CUL5: variants seen among roughly 807,000 people sequenced by gnomAD.
The protein encoded by CUL5 is cullin 5, also known as cullin-5.
A neutral mutation model predicts 108.8 loss-of-function variants in CUL5; 26 were observed. That is an observed-to-expected ratio of 0.24 (90% confidence interval 0.18 to 0.33). The LOEUF (loss-of-function observed/expected upper bound fraction) is 0.33, where lower values mean the gene tolerates loss of function less well. Among genes scored for constraint, CUL5 ranks in the 10% least tolerant of loss-of-function variants. The pLI, the probability that CUL5 is intolerant of heterozygous loss-of-function variation, is 1.00. For missense variants in CUL5, 524 were observed against 909.2 expected, an observed-to-expected ratio of 0.58 and a Z score of 5.45; for synonymous variants, 334 against 298.0, an observed-to-expected ratio of 1.12 and a Z score of -1.25.
chr11:108,103,966 C>A (rs778904693), intron 18 of CUL5, among the ~76,000 whole-genome samples: 11 of 152,116 alleles, frequency 7.2e-5, no homozygotes, highest in Non-Finnish European at 1.5e-4. Flanking sequence ...CCTATCCCCC[C>A]ACCCCAATAA....
intron 11 of CUL5, among the ~76,000 whole-genome samples, chr11:108,082,284 C>CTGT (rs1370303439): frequency 4.3e-5 from 6 of 140,890 alleles, no homozygotes; most frequent in African/African-American, 1.6e-4. Flanking sequence ...CTCTTTCTTT[C>CTGT]TGTTTTTTTT....
intron 18 of CUL5, among the ~76,000 whole-genome samples, chr11:108,099,119 C>G (rs895632597): frequency 2.0e-5 from 3 of 151,770 alleles, no homozygotes; most frequent in Non-Finnish European, 2.9e-5. Flanking sequence ...ATCCTCCCAC[C>G]TCTGCCTCCG....
chr11:108,034,999 T>C (rs769750061), intron 2 of CUL5, among the ~76,000 whole-genome samples: 2 of 152,176 alleles, frequency 1.3e-5, no homozygotes, highest in African/African-American at 2.4e-5. Context: ...AGTTCCTTTC[T>C]GGGGACAGCT....
At chr11:108,104,064 T>A (rs1864732642) in intron 18 of CUL5, 126 bp from the exon 19 acceptor site, 2 of 595,540 alleles carry the variant, frequency 3.4e-6, no homozygotes, top group South Asian at 4.5e-5. Context: ...AATCCCCTAG[T>A]GATTATTATT....
chr11:108,009,314 C>G lies in CUL5; in HGVS notation c.-35C>G, dbSNP rs530106522. On this transcript the variant is annotated 5_prime_UTR_variant, in exon 1 of 19. Coordinates refer to ENST00000393094, the MANE Select transcript of CUL5 (RefSeq NM_003478.6). The stretch of plus-strand genomic sequence containing the variant: ...GGCCTGGCCGGGAGCGCCACGAATT[C>G]TCGCGTCGTCTCGCGAGAGTCCAAG... 1 of 1,609,404 alleles carries G rather than the reference C, an allele frequency of 6.2e-7. No individual in the cohort carries two copies. The highest frequency in any genetic ancestry group is 1.3e-5 in the African/African-American group (1 of 74,360).
chr11:108,076,725 GC>G (rs1439942843), intron 10 of CUL5, among the ~76,000 whole-genome samples: 7 of 152,150 alleles, frequency 4.6e-5, no homozygotes, highest in African/African-American at 1.7e-4. Flanking sequence ...TTGGGTATAT[GC>G]CTAGAAGAGG....
chr11:108,036,649 T>C (rs932946096), intron 2 of CUL5, among the ~76,000 whole-genome samples: 4 of 152,182 alleles, frequency 2.6e-5, no homozygotes, highest in African/African-American at 9.6e-5. Context: ...GGCTAATTTT[T>C]GTATTTTCAT....
intron 7 of CUL5, among the ~76,000 whole-genome samples, chr11:108,068,169 T>C (rs1373657197): frequency 2.6e-5 from 4 of 152,240 alleles, no homozygotes; most frequent in East Asian, 1.9e-4. Flanking sequence ...CCGCCCGCCT[T>C]AGCCTCCCAA....
At chr11:108,053,297 G>A (rs1267507482) in intron 5 of CUL5, among the ~76,000 whole-genome samples, 2 of 152,162 alleles carry the variant, frequency 1.3e-5, no homozygotes, top group African/African-American at 2.4e-5. Flanking sequence ...CACAGTACCT[G>A]TGCCTCCTTG....
intron 10 of CUL5, among the ~76,000 whole-genome samples, chr11:108,075,799 C>G (rs1013748993): frequency 6.6e-6 from 1 of 152,156 alleles, no homozygotes; most frequent in Non-Finnish European, 1.5e-5. Context: ...GGATTATAGA[C>G]GTGAGCCACC....
chr11:108,096,343 A>C (rs1172823388), intron 16 of CUL5, among the ~76,000 whole-genome samples: 2 of 150,774 alleles, frequency 1.3e-5, no homozygotes, highest in Non-Finnish European at 3.0e-5. Flanking sequence ...AAAAAAAAAA[A>C]AAACAAATTA....
chr11:108,059,732 A>C (rs574287533), intron 7 of CUL5, among the ~76,000 whole-genome samples: 71 of 152,090 alleles, frequency 4.7e-4, no homozygotes, highest in African/African-American at 1.7e-3. Context: ...AAATACAAAA[A>C]AATTAGTTGG....
intron 11 of CUL5, among the ~76,000 whole-genome samples, chr11:108,082,868 C>T (rs1864128135): frequency 6.6e-6 from 1 of 151,642 alleles, no homozygotes; most frequent in Non-Finnish European, 1.5e-5. Context: ...TTCAAGTGAG[C>T]CTCCTGCCTC....
Position 108,080,997 on chromosome 11 carries a change from T to C in CUL5, c.1178+2757T>C, listed in dbSNP as rs1221093461. On this transcript the variant is annotated intron_variant, in intron 11 of 18. Transcript: ENST00000393094. ...ATTTATTTATTTATTTATTTGAGAG[T>C]TTTATAGGGCCGGGCACAGTGGCTC... Among the ~76,000 whole-genome samples the C allele has an allele frequency of 3.3e-5, 5 of 149,964 alleles. No individual in the cohort carries two copies. The East Asian group carries it at 9.8e-4, about 29-fold the overall frequency.
chr11:108,093,178 G>A (rs1044085653), intron 13 of CUL5, among the ~76,000 whole-genome samples: 1 of 152,212 alleles, frequency 6.6e-6, no homozygotes, highest in Non-Finnish European at 1.5e-5. Context: ...TGTTAATAAA[G>A]AGTAGTTTGA....
At chr11:108,052,825 A>C in intron 5 of CUL5, 24 bp downstream of exon 5, 1 of 1,579,830 alleles carries the variant, frequency 6.3e-7, no homozygotes, top group Middle Eastern at 1.7e-4. Flanking sequence ...TTTTATGATC[A>C]TAATTTCTGT....
intron 7 of CUL5, among the ~76,000 whole-genome samples, chr11:108,061,484 A>G (rs1162991176): frequency 2.0e-5 from 3 of 152,182 alleles, no homozygotes; most frequent in Non-Finnish European, 4.4e-5. Flanking sequence ...TTGTAATGAA[A>G]GTTTTAAAAT....
intron 1 of CUL5, among the ~76,000 whole-genome samples, chr11:108,016,214 A>G (rs1183426598): frequency 6.6e-6 from 1 of 151,756 alleles, no homozygotes; most frequent in African/African-American, 2.4e-5. Flanking sequence ...AGAGCTAGTC[A>G]GCCAGAGAGG....
intron 7 of CUL5, among the ~76,000 whole-genome samples, chr11:108,069,747 A>AT (rs758334635): frequency 2.6e-5 from 4 of 152,190 alleles, no homozygotes; most frequent in Admixed American, 2.0e-4. Context: ...TGTTGAATGA[A>AT]TGTATTCACA....
Sources: allele counts gnomAD v4.1 joint callset (sites outside exome capture counted in the v4.1 genomes callset), GRCh38; gene constraint gnomAD v4.1.1; transcripts MANE v1.5; gene names NCBI Gene and HGNC (gene_info 2026-07-23, HGNC 2026-07-21).